SLC9B1: variants seen among roughly 807,000 people sequenced by gnomAD.
SLC9B1 encodes the protein solute carrier family 9 member B1.
SLC9B1 carries 32 observed loss-of-function variants against 51.7 expected under a neutral mutation model. The observed-to-expected ratio is 0.62, with a 90% CI of 0.47 to 0.83. The LOEUF (loss-of-function observed/expected upper bound fraction) is 0.83. Ranked by LOEUF, SLC9B1 falls within the 40% of genes least tolerant of loss-of-function variation. SLC9B1 has a pLI of 0.00. For synonymous variants in SLC9B1, 145 were observed against 212.7 expected, an observed-to-expected ratio of 0.68 and a Z score of 2.77; for missense variants, 406 against 613.2, an observed-to-expected ratio of 0.66 and a Z score of 3.57.
At chr4:102,914,706 G>C (rs1394380620) in intron 7 of SLC9B1, among the ~76,000 whole-genome samples, 1 of 152,162 alleles carries the variant, frequency 6.6e-6, no homozygotes, top group Non-Finnish European at 1.5e-5. Context: ...GAGCAAAAGG[G>C]AAAAGGAATG....
At chr4:102,887,521 C>T (rs1733991950) in intron 11 of SLC9B1, 1 of 721,226 alleles carries the variant, frequency 1.4e-6, no homozygotes. Flanking sequence ...ATTATTTCTT[C>T]CAATTTATTT....
chr4:102,922,621 G>T (rs1410782902), intron 7 of SLC9B1, among the ~76,000 whole-genome samples: 1 of 152,056 alleles, frequency 6.6e-6, no homozygotes, highest in African/African-American at 2.4e-5. Context: ...TCCAGGAGCT[G>T]GTTTTTTGAA....
chr4:103,016,439 T>C (rs1030650391), intron 1 of SLC9B1, among the ~76,000 whole-genome samples: 2 of 152,148 alleles, frequency 1.3e-5, no homozygotes, highest in Non-Finnish European at 2.9e-5. Context: ...TAGTACTACG[T>C]CAATTTCTGC....
rs548691206 is a variant in SLC9B1, at chr4:102,925,789, A to G, written c.829+6335T>C. 4.6e-5 allele frequency among the ~76,000 whole-genome samples: 7 copies of G among 152,328 alleles called. No individual in the cohort carries two copies. In the South Asian group the frequency reaches 1.4e-3, roughly 32 times the overall value. On this transcript the variant is annotated intron_variant, in intron 7 of 11. Coordinates refer to ENST00000296422, the MANE Select transcript of SLC9B1 (RefSeq NM_139173.4). ...GGTACCAAAGCCTGGCAGAGACACA[A>G]CAAAAAAAGAGAATTTTAGACCAAT...
At chr4:102,982,992 C>T (rs1739433983) in intron 3 of SLC9B1, among the ~76,000 whole-genome samples, 1 of 152,032 alleles carries the variant, frequency 6.6e-6, no homozygotes, top group South Asian at 2.1e-4. Context: ...AGTTTTTCAC[C>T]AATGAGTACA....
chr4:102,929,524 T>A (rs1736346202), intron 7 of SLC9B1, among the ~76,000 whole-genome samples: 1 of 146,086 alleles, frequency 6.8e-6, no homozygotes, highest in Non-Finnish European at 1.5e-5. Flanking sequence ...GAAGAGGAAT[T>A]TTTTTTTTCT....
intron 7 of SLC9B1, chr4:102,912,057 C>T (rs1186915018): frequency 4.9e-5 from 10 of 205,240 alleles, no homozygotes; most frequent in African/African-American, 9.5e-5. Context: ...CACTTGAACC[C>T]GGGAGGCAGA....
Position 102,982,242 on chromosome 4 carries a change from T to C in SLC9B1, c.211+7558A>G, listed in dbSNP as rs570878262. ...TTTTTGTGGGTCTATTTCTGGACTCTATTCTGTTTGATTGATCTCTTTGTC... is the reference window on the plus strand; with the variant it reads ...TTTTTGTGGGTCTATTTCTGGACTCCATTCTGTTTGATTGATCTCTTTGTC... On this transcript the variant is annotated intron_variant, in intron 3 of 11. Coordinates refer to ENST00000296422, the MANE Select transcript of SLC9B1 (RefSeq NM_139173.4). Among the ~76,000 whole-genome samples, 5 of 152,286 alleles carry C rather than the reference T, an allele frequency of 3.3e-5. No individual in the cohort carries two copies. In the East Asian group the frequency reaches 9.6e-4, roughly 29 times the overall value.
At chr4:102,908,108 T>C (rs1735142866) in intron 9 of SLC9B1, among the ~76,000 whole-genome samples, 1 of 152,302 alleles carries the variant, frequency 6.6e-6, no homozygotes, top group African/African-American at 2.4e-5. Context: ...AAAAGAAGTA[T>C]AATCTATATT....
intron 1 of SLC9B1, among the ~76,000 whole-genome samples, chr4:103,001,093 G>A (rs534887887): frequency 6.6e-6 from 1 of 152,210 alleles, no homozygotes; most frequent in African/African-American, 2.4e-5. Context: ...CCACGTGTAA[G>A]CCACCAGGGC....
intron 6 of SLC9B1, among the ~76,000 whole-genome samples, chr4:102,944,211 G>A (rs372535672): frequency 3.3e-5 from 5 of 151,956 alleles, no homozygotes; most frequent in African/African-American, 9.7e-5. Flanking sequence ...GGGAACAATC[G>A]TCACTAGGTG....
chr4:102,948,445 A>G (rs1365887429), intron 4 of SLC9B1, among the ~76,000 whole-genome samples: 3 of 152,122 alleles, frequency 2.0e-5, no homozygotes, highest in Non-Finnish European at 4.4e-5. Context: ...CATCAAAAAG[A>G]TAATATAGTT....
intron 4 of SLC9B1, 113 bp from the exon 5 acceptor site, chr4:102,946,902 A>T (rs1430856021): frequency 1.1e-6 from 1 of 913,866 alleles, no homozygotes; most frequent in Non-Finnish European, 1.6e-6. Flanking sequence ...GGTAAAGGGC[A>T]GGTTACAAGC....
chr4:103,005,326 T>C (rs1740727629), intron 1 of SLC9B1, among the ~76,000 whole-genome samples: 1 of 148,994 alleles, frequency 6.7e-6, no homozygotes. Context: ...AAACAGACTT[T>C]AAACAAACAG....
At chr4:102,971,226 AC>A (rs768176883) in intron 3 of SLC9B1, among the ~76,000 whole-genome samples, 174 of 152,184 alleles carry the variant, frequency 1.1e-3, no homozygotes, top group Non-Finnish European at 1.6e-3. Context: ...AAAATTGACC[AC>A]CTAGTTTGAA....
chr4:102,961,961 G>A (rs1738158729), intron 3 of SLC9B1: 2 of 247,770 alleles, frequency 8.1e-6, no homozygotes, highest in South Asian at 4.9e-5. Flanking sequence ...CAAGCATGGC[G>A]GGGTTCCTGC....
At chr4:102,920,143 C>A (rs1287660000) in intron 7 of SLC9B1, among the ~76,000 whole-genome samples, 1 of 152,224 alleles carries the variant, frequency 6.6e-6, no homozygotes, top group East Asian at 1.9e-4. Context: ...GACACACCTG[C>A]CAGTAGGGGC....
intron 1 of SLC9B1, among the ~76,000 whole-genome samples, chr4:103,018,152 C>A (rs920516043): frequency 6.6e-6 from 1 of 152,166 alleles, no homozygotes; most frequent in Non-Finnish European, 1.5e-5. Flanking sequence ...AGTGTTTAAA[C>A]AGGATGAGTA....
intron 7 of SLC9B1, 25 bp downstream of exon 7, chr4:102,932,099 G>A: frequency 6.2e-7 from 1 of 1,608,826 alleles, no homozygotes; most frequent in East Asian, 2.2e-5. Flanking sequence ...GAATGATCTA[G>A]TGGTTGTTAT....
Sources: gnomAD v4.1 joint callset for allele counts (sites outside exome capture counted in the v4.1 genomes callset) on GRCh38, gnomAD v4.1.1 for gene constraint, MANE v1.5 for transcripts, NCBI Gene and HGNC (gene_info 2026-07-23, HGNC 2026-07-21) for gene names.